Variants in SASH1 observed in about 807,000 individuals in gnomAD.
SASH1 encodes SAM and SH3 domain containing 1.
SASH1 carries 44 observed loss-of-function variants against 125.2 expected under a neutral mutation model. The observed-to-expected ratio is 0.35, with a 90% confidence interval of 0.28 to 0.45. The LOEUF (loss-of-function observed/expected upper bound fraction) is 0.45, where lower values mean the gene tolerates loss of function less well. Among genes scored for constraint, SASH1 ranks in the 20% least tolerant of loss-of-function variants. SASH1 has a pLI of 1.00. For synonymous variants in SASH1, 639 were observed against 649.1 expected (o/e 0.98, Z 0.24); for missense variants, 1,426 against 1,614.5 (o/e 0.88, Z 2.00).
chr6:148,397,517 A>G (rs940591338), intron 2 of SASH1, among the ~76,000 whole-genome samples: 9 of 152,192 alleles, frequency 5.9e-5, no homozygotes, highest in African/African-American at 1.7e-4. Flanking sequence ...TATAACTTAT[A>G]TACATCTAAA....
chr6:148,504,710 G>A (rs1450828269), intron 8 of SASH1, among the ~76,000 whole-genome samples: 1 of 152,098 alleles, frequency 6.6e-6, no homozygotes, highest in Non-Finnish European at 1.5e-5. Context: ...AGTATTTATG[G>A]GTGGGCACTA....
At chr6:148,303,440 T>C (rs1197552480) in intron 1 of SASH1, among the ~76,000 whole-genome samples, 1 of 152,170 alleles carries the variant, frequency 6.6e-6, no homozygotes, top group Non-Finnish European at 1.5e-5. Flanking sequence ...GCTTTCTGAC[T>C]ATAATGGAAT....
chr6:148,215,111 G>C, the SASH1 span, among the ~76,000 whole-genome samples: 1 of 152,206 alleles, frequency 6.6e-6, no homozygotes, highest in Non-Finnish European at 1.5e-5. Flanking sequence ...ACTTGGCCCT[G>C]CAGAGAGTTG....
intron 2 of SASH1, among the ~76,000 whole-genome samples, chr6:148,435,622 G>A (rs1299296027): frequency 1.3e-5 from 2 of 152,114 alleles, no homozygotes; most frequent in African/African-American, 4.8e-5. Flanking sequence ...TTGAGCAACA[G>A]TTAAGGAACT....
chr6:148,318,595 G>A (rs935867932), intron 1 of SASH1, among the ~76,000 whole-genome samples: 1 of 144,000 alleles, frequency 6.9e-6, no homozygotes, highest in South Asian at 2.2e-4. Context: ...TTCTGTCGCC[G>A]AGGCTGGAGT....
Position 148,548,598 on chromosome 6 carries a change from TTC to T in SASH1, c.*41_*42del. On this transcript the variant is annotated 3_prime_UTR_variant, in exon 20 of 20. Coordinates refer to ENST00000367467, the MANE Select transcript of SASH1 (RefSeq NM_015278.5). ...GGCCTCTCTGGACAAGAGCCACCCT[TTC>T]ACTGTGCATATGATGCTGATGCAAT... 1 of 1,545,884 alleles carries T rather than the reference TTC, an allele frequency of 6.5e-7. No homozygotes were observed. Among genetic ancestry groups the T allele is most frequent in the East Asian group, 2.2e-5 (1 of 44,488 alleles).
intron 2 of SASH1, among the ~76,000 whole-genome samples, chr6:148,408,797 T>C (rs1022931806): frequency 4.6e-5 from 7 of 152,248 alleles, no homozygotes. Flanking sequence ...TTTTACACTT[T>C]TACGTCTTAC....
the SASH1 span, among the ~76,000 whole-genome samples, chr6:148,223,208 A>T: frequency 1.3e-5 from 2 of 152,206 alleles, no homozygotes; most frequent in Non-Finnish European, 2.9e-5. Flanking sequence ...TCCTGCCTCT[A>T]ACTAACTAGG....
At position 148,549,705 on chromosome 6, in the gene SASH1, C is replaced by T. The variant is rs577641575; in HGVS notation, c.*1147C>T. 1 of 397,920 alleles carries T rather than the reference C, an allele frequency of 2.5e-6. No individual in the cohort carries two copies. The highest frequency in any genetic ancestry group is 4.4e-6 in the Non-Finnish European group (1 of 225,530). The allele number at this position is 397,920 out of a possible 1,614,324, so 24.6% of individuals were successfully genotyped here. ...TCCTTCTTTTTTTATTTAGATAATT[C>T]TTTTAATTTAAACAAAGGTTCACTA... On this transcript the variant is annotated 3_prime_UTR_variant, in exon 20 of 20. Transcript: ENST00000367467.
In SASH1 at chr6:148,358,595, C is replaced by T. The variant is rs149401274; in HGVS notation, c.156+15372C>T. On this transcript the variant is annotated intron_variant, in intron 1 of 19. Transcript: ENST00000367467. Reference sequence around the variant, plus strand: ...GTGACAGATAGTCACTGTTGTACAACTAGGGATATGGCCAGACTCTTAACT... The same window carrying T: ...GTGACAGATAGTCACTGTTGTACAATTAGGGATATGGCCAGACTCTTAACT... Among the ~76,000 whole-genome samples the T allele has an allele frequency of 7.2e-4, 110 of 152,218 alleles. No individual in the cohort carries two copies. In the East Asian group the frequency reaches 0.019, roughly 26 times the overall value.
At chr6:148,351,648 CG>C (rs1781734584) in intron 1 of SASH1, among the ~76,000 whole-genome samples, 1 of 102,692 alleles carries the variant, frequency 9.7e-6, no homozygotes, top group East Asian at 2.6e-4. Flanking sequence ...AGTTACTCAC[CG>C]CTTTTTTTTT....
At position 148,368,720 on chromosome 6, in the gene SASH1, C is replaced by G. The variant is rs111870597; in HGVS notation, c.157-21414C>G. Among the ~76,000 whole-genome samples the G allele has an allele frequency of 1.7e-3, 220 of 126,178 alleles. 2 individuals are homozygous for G. The Middle Eastern group carries it at 0.023, about 13-fold the overall frequency. The allele number at this position is 126,178 out of a possible 152,430, so 82.8% of individuals were successfully genotyped here. A position where few individuals can be genotyped will look rare whatever the true frequency, so the allele number is the denominator to read the frequency against. ...AGATGCTCAATAAATGGAAATTTTC[C>G]CCTTAATTCTCATCCTTCCAACCTC... On this transcript the variant is annotated intron_variant, in intron 1 of 19. Coordinates refer to ENST00000367467, the MANE Select transcript of SASH1 (RefSeq NM_015278.5).
chr6:148,296,192 C>G (rs1779759089), intron 1 of SASH1, among the ~76,000 whole-genome samples: 1 of 152,168 alleles, frequency 6.6e-6, no homozygotes, highest in African/African-American at 2.4e-5. Context: ...GTGGCGCTAT[C>G]TCGGCTCACT....
intron 8 of SASH1, chr6:148,509,345 C>T (rs62432336): frequency 9.1e-4 from 142 of 155,290 alleles, no homozygotes; most frequent in Admixed American, 2.3e-3. Flanking sequence ...CAGGCAAGTA[C>T]ATTTCCAGTT....
intron 1 of SASH1, among the ~76,000 whole-genome samples, chr6:148,363,137 G>A (rs1444453049): frequency 6.6e-6 from 1 of 152,204 alleles, no homozygotes; most frequent in African/African-American, 2.4e-5. Flanking sequence ...GAACCTTGGT[G>A]GTGATATCCA....
At chr6:148,376,901 TG>T (rs374641199) in intron 1 of SASH1, among the ~76,000 whole-genome samples, 42 of 151,706 alleles carry the variant, frequency 2.8e-4, no homozygotes, top group African/African-American at 9.4e-4. Flanking sequence ...CCGGGCGCGG[TG>T]GCTCACGCCT....
chr6:148,387,656 CTT>C (rs1554249460), intron 1 of SASH1, among the ~76,000 whole-genome samples: 1 of 52,700 alleles, frequency 1.9e-5, no homozygotes, highest in East Asian at 3.2e-4. Context: ...TTCTTTCTTT[CTT>C]TCTTTCTTTC....
rs559086556 is a variant in SASH1 at position 148,423,042 on chromosome 6, G to A, written c.286-17142G>A. 4.6e-5 allele frequency among the ~76,000 whole-genome samples: 7 copies of A among 152,110 alleles called. No individual in the cohort carries two copies. In the South Asian group the frequency reaches 6.2e-4, roughly 14 times the overall value. On this transcript the variant is annotated intron_variant, in intron 2 of 19. Transcript: ENST00000367467. ...CAACCTCTGCCTCCCAGGTTCAAGC[G>A]ATTCTCCTGCCTCAGCCTCCCGAGT...
chr6:148,291,400 G>T (rs75193141), intron 1 of SASH1, among the ~76,000 whole-genome samples: 6,727 of 152,166 alleles, frequency 0.044, 235 homozygotes, highest in Admixed American at 0.11. Flanking sequence ...GTGCAGGATG[G>T]CTAGTCACAG....
Sources: gnomAD v4.1 joint callset for allele counts (sites outside exome capture counted in the v4.1 genomes callset) on GRCh38, gnomAD v4.1.1 for gene constraint, MANE v1.5 for transcripts, NCBI Gene and HGNC (gene_info 2026-07-23, HGNC 2026-07-21) for gene names.